Variants in KCTD16 observed in about 807,000 individuals in gnomAD.
KCTD16 encodes potassium channel tetramerization domain containing 16.
Under a neutral mutation model 33.2 loss-of-function variants are expected in KCTD16, and 13 were observed. The observed-to-expected ratio is 0.39, with a 90% CI of 0.25 to 0.62. KCTD16 has a LOEUF of 0.62. KCTD16 is among the 20% of genes least tolerant of loss of function. The pLI, the probability that KCTD16 is intolerant of heterozygous loss-of-function variation, is 0.50. For synonymous variants in KCTD16, 197 were observed against 195.3 expected, an observed-to-expected ratio of 1.01 and a Z score of -0.07; for missense variants, 441 against 525.1, an observed-to-expected ratio of 0.84 and a Z score of 1.57.
intron 3 of KCTD16, among the ~76,000 whole-genome samples, chr5:144,282,618 C>T (rs538893195): frequency 2.0e-5 from 3 of 152,310 alleles, no homozygotes; most frequent in African/African-American, 7.2e-5. Flanking sequence ...AACCTCCACA[C>T]ATCTGGTTTC....
intron 3 of KCTD16, among the ~76,000 whole-genome samples, chr5:144,470,918 C>G (rs1215279814): frequency 6.6e-6 from 1 of 152,174 alleles, no homozygotes; most frequent in Non-Finnish European, 1.5e-5. Flanking sequence ...CAGTGGCTCA[C>G]ACCTATAATC....
At chr5:144,407,020 G>A (rs1752822704) in intron 3 of KCTD16, among the ~76,000 whole-genome samples, 1 of 152,080 alleles carries the variant, frequency 6.6e-6, no homozygotes, top group Middle Eastern at 3.2e-3. Flanking sequence ...TTGGCCCTGG[G>A]ATGAGAGGAA....
At chr5:144,192,865 C>T (rs1179743520) in intron 2 of KCTD16, among the ~76,000 whole-genome samples, 1 of 152,116 alleles carries the variant, frequency 6.6e-6, no homozygotes, top group Non-Finnish European at 1.5e-5. Flanking sequence ...GAATATACAC[C>T]AAGGACTTTG....
intron 3 of KCTD16, among the ~76,000 whole-genome samples, chr5:144,296,371 G>A (rs546012633): frequency 6.6e-6 from 1 of 152,242 alleles, no homozygotes; most frequent in South Asian, 2.1e-4. Flanking sequence ...TGTAAGAAAT[G>A]GCTTCTAATT....
intron 3 of KCTD16, among the ~76,000 whole-genome samples, chr5:144,357,842 C>T (rs1751607137): frequency 6.6e-6 from 1 of 152,154 alleles, no homozygotes; most frequent in Non-Finnish European, 1.5e-5. Flanking sequence ...AGCCAAAGCC[C>T]TCCTTGTTAA....
intron 3 of KCTD16, among the ~76,000 whole-genome samples, chr5:144,357,330 G>A (rs1751592893): frequency 6.6e-6 from 1 of 152,144 alleles, no homozygotes; most frequent in Admixed American, 6.6e-5. Context: ...AGTCAGGTAG[G>A]GGTGAGACCT....
At chr5:144,177,328 A>T (rs1036741304) in intron 2 of KCTD16, among the ~76,000 whole-genome samples, 1 of 152,216 alleles carries the variant, frequency 6.6e-6, no homozygotes, top group Admixed American at 6.5e-5. Context: ...GGATGAGACT[A>T]AAGTGATGGT....
chr5:144,483,941 T>C lies in KCTD16; in HGVS notation c.*9827T>C, dbSNP rs961248510. 3 of 151,944 alleles carry C rather than the reference T, an allele frequency of 2.0e-5. No homozygotes were observed. Among genetic ancestry groups the C allele is most frequent in the Admixed American group, 2.0e-4 (3 of 15,234 alleles). The allele number at this position is 151,944 out of a possible 1,614,324, so 9.4% of individuals were successfully genotyped here. A position where few individuals can be genotyped will look rare whatever the true frequency, so the allele number is the denominator to read the frequency against. ...AATCCATTTTTTTAAAGCAATGAAA[T>C]GTTCTAATTAGGTTTGAGGACATTT... On this transcript the variant is annotated 3_prime_UTR_variant, in exon 4 of 4. Transcript: ENST00000512467.
intron 3 of KCTD16, among the ~76,000 whole-genome samples, chr5:144,308,276 CCA>C (rs1751661309): frequency 1.3e-5 from 2 of 152,338 alleles, no homozygotes; most frequent in Non-Finnish European, 2.9e-5. Flanking sequence ...CATTCTGGTT[CCA>C]CACCCAGGAT....
rs916573972 is a variant in KCTD16 at position 144,375,012 on chromosome 5, A to G, written c.833-98648A>G. The stretch of plus-strand genomic sequence containing the variant: ...CCCCAGCAATTATGCATTTATTGCA[A>G]CATCTCTTAGGTCAGTTGTGTGGCT... On this transcript the variant is annotated intron_variant, in intron 3 of 3. Coordinates refer to ENST00000512467, the MANE Select transcript of KCTD16 (RefSeq NM_020768.4). Among the ~76,000 whole-genome samples the G allele has an allele frequency of 5.9e-5, 9 of 152,298 alleles. No homozygotes were observed. In the East Asian group the frequency reaches 7.7e-4, roughly 13 times the overall value.
chr5:144,278,563 T>G (rs1755506552), intron 3 of KCTD16, among the ~76,000 whole-genome samples: 1 of 138,020 alleles, frequency 7.2e-6, no homozygotes, highest in Non-Finnish European at 1.5e-5. Context: ...AGTGGCGCAA[T>G]CTTGGCTCAC....
intron 3 of KCTD16, among the ~76,000 whole-genome samples, chr5:144,320,029 T>G (rs1752032888): frequency 6.6e-6 from 1 of 152,166 alleles, no homozygotes; most frequent in African/African-American, 2.4e-5. Flanking sequence ...ATTTAGAGTA[T>G]GTCTGTTCAG....
intron 3 of KCTD16, among the ~76,000 whole-genome samples, chr5:144,367,646 TC>T (rs1202656168): frequency 6.6e-6 from 1 of 151,780 alleles, no homozygotes; most frequent in Non-Finnish European, 1.5e-5. Context: ...TCTGTATCTT[TC>T]CCCCCATACT....
At chr5:144,302,252 T>A (rs190148249) in intron 3 of KCTD16, among the ~76,000 whole-genome samples, 3 of 152,308 alleles carry the variant, frequency 2.0e-5, no homozygotes, top group Non-Finnish European at 2.9e-5. Context: ...AGTATCACTT[T>A]ATGAATTTCA....
intron 3 of KCTD16, among the ~76,000 whole-genome samples, chr5:144,404,363 A>T (rs1752767487): frequency 6.6e-6 from 1 of 152,192 alleles, no homozygotes; most frequent in Non-Finnish European, 1.5e-5. Context: ...TATCATTAAC[A>T]GCTGTATTCT....
intron 3 of KCTD16, among the ~76,000 whole-genome samples, chr5:144,423,359 G>C (rs1753252546): frequency 6.6e-6 from 1 of 152,140 alleles, no homozygotes; most frequent in Admixed American, 6.6e-5. Context: ...ACTATGTGTA[G>C]AATGAACTGT....
chr5:144,333,839 C>T (rs1752416742), intron 3 of KCTD16, among the ~76,000 whole-genome samples: 1 of 152,150 alleles, frequency 6.6e-6, no homozygotes, highest in Non-Finnish European at 1.5e-5. Context: ...AGAATCAGGA[C>T]AGATGAAGAA....
intron 3 of KCTD16, among the ~76,000 whole-genome samples, chr5:144,372,897 T>C (rs1314827807): frequency 6.6e-6 from 1 of 152,156 alleles, no homozygotes; most frequent in Non-Finnish European, 1.5e-5. Context: ...TTTATTTCAT[T>C]TTTTTGCCAC....
chr5:144,288,122 A>G (rs932459170), intron 3 of KCTD16, among the ~76,000 whole-genome samples: 3 of 152,174 alleles, frequency 2.0e-5, no homozygotes, highest in Non-Finnish European at 4.4e-5. Context: ...CAAAATTTAC[A>G]GTTTCAAAAG....
Sources: gnomAD v4.1 joint callset for allele counts (sites outside exome capture counted in the v4.1 genomes callset) on GRCh38, gnomAD v4.1.1 for gene constraint, MANE v1.5 for transcripts, NCBI Gene and HGNC (gene_info 2026-07-23, HGNC 2026-07-21) for gene names.